The following KAT6A variants were observed in gnomAD, a reference collection of about 807,000 sequenced individuals.
KAT6A encodes the protein histone acetyltransferase KAT6A.
A neutral mutation model predicts 198.4 loss-of-function variants in KAT6A; 9 were observed. That is an observed-to-expected ratio of 0.05 (90% CI 0.03 to 0.08). The LOEUF (loss-of-function observed/expected upper bound fraction) is 0.08, where lower values mean the gene tolerates loss of function less well. Among genes scored for constraint, KAT6A ranks in the 10% least tolerant of loss-of-function variants. The pLI is 1.00. For missense variants in KAT6A, 2,077 were observed against 2,509.9 expected (o/e 0.83, Z 3.69); for synonymous variants, 890 against 883.0 (o/e 1.01, Z -0.14).
intron 2 of KAT6A, among the ~76,000 whole-genome samples, chr8:42,033,952 T>C (rs1587850763): frequency 6.6e-6 from 1 of 151,966 alleles, no homozygotes; most frequent in Admixed American, 6.6e-5. Flanking sequence ...CTATGTAAAA[T>C]GGTCTATGAT....
chr8:42,031,670 C>T (rs1448777564), intron 2 of KAT6A, among the ~76,000 whole-genome samples: 1 of 142,638 alleles, frequency 7.0e-6, no homozygotes, highest in East Asian at 2.0e-4. Context: ...AGCTCTGTCG[C>T]CCAGGCTGAA....
In KAT6A at chr8:42,049,837, A is replaced by T. The variant is rs904844611; in HGVS notation, c.-325-535T>A. On this transcript the variant is annotated intron_variant, in intron 1 of 16. Coordinates refer to ENST00000265713, the MANE Select transcript of KAT6A (RefSeq NM_006766.5). The stretch of plus-strand genomic sequence containing the variant: ...CTTACATGAAAAGAATGAATACAAT[A>T]TGCACACCCAGTTTATAATTTAAGT... 7 of 152,362 alleles carry T rather than the reference A, an allele frequency of 4.6e-5. 1 individual carries two copies. Among genetic ancestry groups the T allele is most frequent in the Admixed American group, 6.5e-5 (1 of 15,308 alleles). The allele number at this position is 152,362 out of a possible 1,614,324, so 9.4% of individuals were successfully genotyped here.
intron 2 of KAT6A, among the ~76,000 whole-genome samples, chr8:41,991,098 A>G (rs1465384639): frequency 3.3e-5 from 5 of 152,178 alleles, no homozygotes; most frequent in Non-Finnish European, 7.3e-5. Context: ...GACGTTATCT[A>G]CTAAAATTGA....
intron 12 of KAT6A, 113 bp from the exon 13 acceptor site, chr8:41,944,092 T>G: frequency 1.5e-6 from 1 of 660,782 alleles, no homozygotes; most frequent in Non-Finnish European, 2.5e-6. Context: ...AAAGGTAAAT[T>G]CCTTCCAAAA....
In KAT6A at chr8:41,932,388, G is replaced by T; in HGVS notation, c.5832C>A (p.Asn1944Lys). The T allele has an allele frequency of 1.2e-6, 2 of 1,614,224 alleles. No individual in the cohort carries two copies. Among genetic ancestry groups the T allele is most frequent in the Non-Finnish European group, 1.7e-6 (2 of 1,180,046 alleles). Residue 1944 changes from asparagine (N) to lysine (K), a missense_variant, in exon 17 of 17, where the codon AAC becomes AAA. Transcript: ENST00000265713. ...TCTGCATAGGATACTGTGCTGTCTG[G>T]TTCATGTAGGCAGGGTTACTATGGT... Reference protein sequence around the residue: ...SSYHSNPAYMNQTAQYPMQMQ... With the variant: ...SSYHSNPAYMKQTAQYPMQMQ...
intron 2 of KAT6A, among the ~76,000 whole-genome samples, chr8:41,990,643 T>TA (rs1327190771): frequency 6.6e-6 from 1 of 152,020 alleles, no homozygotes; most frequent in Non-Finnish European, 1.5e-5. Context: ...ACCAAGAAAA[T>TA]AGACTTTCGA....
At position 41,966,473 on chromosome 8, in the gene KAT6A, G is replaced by C. The variant is rs1325432932; in HGVS notation, c.1482+8231C>G. Among the ~76,000 whole-genome samples, 3 of 152,140 alleles carry C rather than the reference G, an allele frequency of 2.0e-5. No individual in the cohort carries two copies. The South Asian group carries it at 6.2e-4, about 32-fold the overall frequency. ...TCAGGCATCTACTGGGGATCTTGGA[G>C]CGTATCACTGGTGGATACGCGGGGA... On this transcript the variant is annotated intron_variant, in intron 8 of 16. Coordinates refer to ENST00000265713, the MANE Select transcript of KAT6A (RefSeq NM_006766.5).
intron 2 of KAT6A, among the ~76,000 whole-genome samples, chr8:42,016,276 C>G (rs985281605): frequency 8.5e-5 from 13 of 152,206 alleles, no homozygotes; most frequent in African/African-American, 3.1e-4. Context: ...CATTCAGGAA[C>G]TGCGTGCCAA....
chr8:42,043,601 A>G (rs1370122591), intron 2 of KAT6A: 2 of 152,176 alleles, frequency 1.3e-5, no homozygotes, highest in Non-Finnish European at 2.9e-5. Flanking sequence ...TCTGTTCTGC[A>G]AAAAAAGAAA....
chr8:42,049,142 C>A lies in KAT6A; in HGVS notation c.-165G>T. On this transcript the variant is annotated 5_prime_UTR_variant, in exon 2 of 17. Coordinates refer to ENST00000265713, the MANE Select transcript of KAT6A (RefSeq NM_006766.5). ...TCCTTTCACAAAACAGAATGCCACC[C>A]CAATTGTACTATAGAAACCAAAACA... 1 of 690,122 alleles carries A rather than the reference C, an allele frequency of 1.4e-6. No homozygotes were observed. The allele number at this position is 690,122 out of a possible 1,614,324, so 42.7% of individuals were successfully genotyped here.
At chr8:41,954,370 T>C (rs1822826335) in intron 9 of KAT6A, among the ~76,000 whole-genome samples, 2 of 152,232 alleles carry the variant, frequency 1.3e-5, no homozygotes, top group South Asian at 4.1e-4. Context: ...TGTTACTACA[T>C]GGGTGAAAAC....
intron 8 of KAT6A, among the ~76,000 whole-genome samples, chr8:41,959,160 A>G (rs1396086373): frequency 8.7e-4 from 17 of 19,522 alleles, no homozygotes; most frequent in African/African-American, 6.5e-3. Flanking sequence ...GACTGTCTCG[A>G]AAAAAAAAAA....
At chr8:42,030,729 A>G in intron 2 of KAT6A, among the ~76,000 whole-genome samples, 1 of 151,864 alleles carries the variant, frequency 6.6e-6, no homozygotes, top group Non-Finnish European at 1.5e-5. Flanking sequence ...CACACCTGAC[A>G]AATTTTTTGT....
chr8:41,941,611 T>A (rs776289643), intron 14 of KAT6A, among the ~76,000 whole-genome samples, 167 bp from the exon 15 acceptor site: 43 of 152,226 alleles, frequency 2.8e-4, no homozygotes, highest in Non-Finnish European at 4.9e-4. Context: ...CTGCTTTAAA[T>A]TCTGTATATG....
chr8:42,048,848 G>A lies in KAT6A; in HGVS notation c.130C>T (p.Arg44Cys), dbSNP rs569516266. The change falls in exon 2 of 17, where the codon CGT becomes TGT. Residue 44 changes from arginine (R) to cysteine (C), a missense_variant. Arg to Cys is a radical substitution (Grantham distance 180). Around this residue, in one of 13 missense-constraint regions of KAT6A, gnomAD observed 35 missense variants for 76.6 expected, o/e 0.46. Transcript: ENST00000265713. ...TCCAATTGTTCTAAAACAGTTTTAC[G>A]ATCCAAGCCATGGGATGAAGACACA... ...NAVSSSHGLD[R>C]KTVLEQLELS... The A allele has an allele frequency of 3.7e-6, 6 of 1,614,056 alleles. No individual in the cohort carries two copies. Among genetic ancestry groups the A allele is most frequent in the Non-Finnish European group, 4.2e-6 (5 of 1,180,008 alleles).
rs1333402827 is a variant in KAT6A, at chr8:41,937,602, T to G, written c.3040-34A>C. On this transcript the variant is annotated intron_variant, in intron 15 of 16. Coordinates refer to ENST00000265713, the MANE Select transcript of KAT6A (RefSeq NM_006766.5). ...TAGAGAAAGCAAGTATTTACAGTTATGAACACTATCTTTTCTATTAATAAT... is the reference window on the plus strand; with the variant it reads ...TAGAGAAAGCAAGTATTTACAGTTAGGAACACTATCTTTTCTATTAATAAT... The G allele has an allele frequency of 3.4e-6, 5 of 1,485,040 alleles. No homozygotes were observed. In the East Asian group the frequency reaches 9.1e-5, roughly 27 times the overall value. 92.0% of individuals were successfully genotyped at this position (1,485,040 alleles called of 1,614,324 possible).
Position 41,933,228 on chromosome 8 carries a change from T to TGGCGGCGGC in KAT6A, c.4983_4991dup (p.Pro1662_Pro1664dup), listed in dbSNP as rs767101977. On this transcript the variant is annotated inframe_insertion, in exon 17 of 17. Coordinates refer to ENST00000265713, the MANE Select transcript of KAT6A (RefSeq NM_006766.5). The surrounding 1 kb of genome is among the most constrained non-coding windows in gnomAD (Gnocchi z 6.2). ...GAGGCTGTGGTGCTGGTTGTGGTTG[T>TGGCGGCGGC]GGCGGCGGCGGCTGTGGCTGCTGTG... is the stretch of plus-strand genomic sequence containing the variant. The TGGCGGCGGC allele has an allele frequency of 6.4e-7, 1 of 1,553,420 alleles. No homozygotes were observed. The highest frequency in any genetic ancestry group is 8.7e-7 in the Non-Finnish European group (1 of 1,153,414).
intron 8 of KAT6A, among the ~76,000 whole-genome samples, chr8:41,970,674 A>G (rs1823745277): frequency 6.6e-6 from 1 of 152,200 alleles, no homozygotes; most frequent in African/African-American, 2.4e-5. Context: ...CGAATCCGCA[A>G]GGATCTAGAA....
intron 2 of KAT6A, among the ~76,000 whole-genome samples, chr8:41,997,805 G>A (rs927515743): frequency 3.9e-5 from 6 of 151,910 alleles, no homozygotes; most frequent in Admixed American, 6.6e-5. Context: ...AACTTTCTTC[G>A]GTGGGTATTT....
Sources: allele counts gnomAD v4.1 joint callset (sites outside exome capture counted in the v4.1 genomes callset), GRCh38; gene constraint gnomAD v4.1.1; regional missense constraint gnomAD v4.1.1; non-coding constraint Gnocchi (gnomAD v3.1); transcripts MANE v1.5; gene names NCBI Gene and HGNC (gene_info 2026-07-23, HGNC 2026-07-21).